PRKCQ: variants seen among roughly 807,000 people sequenced by gnomAD.
PRKCQ encodes the protein protein kinase C theta, also known as protein kinase C theta type.
A neutral mutation model predicts 91.2 loss-of-function variants in PRKCQ; 41 were observed. The ratio of observed to expected loss-of-function variants is 0.45; its 90% CI spans 0.35 to 0.58. PRKCQ has a LOEUF of 0.58. Ranked by LOEUF, PRKCQ falls within the 20% of genes least tolerant of loss-of-function variation. PRKCQ has a pLI of 0.00. For missense variants in PRKCQ, 673 were observed against 896.5 expected, an observed-to-expected ratio of 0.75 and a Z score of 3.18; for synonymous variants, 307 against 316.9, an observed-to-expected ratio of 0.97 and a Z score of 0.33.
intron 17 of PRKCQ, among the ~76,000 whole-genome samples, chr10:6,429,755 G>GAGAC (rs1417239408): frequency 6.7e-6 from 1 of 148,850 alleles, no homozygotes; most frequent in East Asian, 2.0e-4. Context: ...TTTATTTTTG[G>GAGAC]AGACAGTCTC....
At position 6,573,176 on chromosome 10, in the gene PRKCQ, C is replaced by G. The variant is rs549760760; in HGVS notation, c.-10+7035G>C. 2.6e-5 allele frequency among the ~76,000 whole-genome samples: 4 copies of G among 152,268 alleles called. No homozygotes were observed. The East Asian group carries it at 7.7e-4, about 29-fold the overall frequency. On this transcript the variant is annotated intron_variant, in intron 1 of 17. Coordinates refer to ENST00000263125, the MANE Select transcript of PRKCQ (RefSeq NM_006257.5). ...TTGTTATCACCCCCAAAATTAATGT[C>G]ATTGCCCACTAGTAGACTGTGTCTT... is the stretch of plus-strand genomic sequence containing the variant.
intron 16 of PRKCQ, among the ~76,000 whole-genome samples, chr10:6,431,550 G>C (rs1833430888): frequency 6.6e-6 from 1 of 152,096 alleles, no homozygotes; most frequent in Non-Finnish European, 1.5e-5. Flanking sequence ...ACACGTACAG[G>C]AACACATGCA....
intron 1 of PRKCQ, among the ~76,000 whole-genome samples, chr10:6,518,324 T>C (rs1838855004): frequency 6.6e-6 from 1 of 152,286 alleles, no homozygotes; most frequent in South Asian, 2.1e-4. Context: ...AGTAATCAAA[T>C]TACTAAAGGG....
intron 2 of PRKCQ, among the ~76,000 whole-genome samples, chr10:6,513,447 CAAAAAAA>C (rs58606251): frequency 9.5e-6 from 1 of 105,596 alleles, no homozygotes; most frequent in Admixed American, 9.5e-5. Flanking sequence ...AGGCCAAATG[CAAAAAAA>C]AAAAAAAAAA....
intron 10 of PRKCQ, 29 bp downstream of exon 10, chr10:6,485,123 G>A (rs773552095): frequency 3.2e-5 from 50 of 1,568,056 alleles, no homozygotes; most frequent in Non-Finnish European, 4.3e-5. Flanking sequence ...ATGACTGACA[G>A]TGATTAGACT....
intron 1 of PRKCQ, chr10:6,515,404 T>G (rs1838711141): frequency 2.0e-6 from 2 of 985,186 alleles, no homozygotes; most frequent in Admixed American, 1.2e-4. Flanking sequence ...AACTCAAGAG[T>G]TAGTTCCATT....
At chr10:6,434,120 T>C (rs1229783200) in intron 16 of PRKCQ, among the ~76,000 whole-genome samples, 5 of 151,598 alleles carry the variant, frequency 3.3e-5, no homozygotes, top group African/African-American at 2.4e-5. Context: ...TGATAAATGA[T>C]TGGTCTCTGC....
chr10:6,577,077 G>C (rs1469660141), intron 1 of PRKCQ, among the ~76,000 whole-genome samples: 1 of 151,926 alleles, frequency 6.6e-6, no homozygotes, highest in African/African-American at 2.4e-5. Flanking sequence ...AATACTATTA[G>C]CTTAATTCAA....
intron 16 of PRKCQ, among the ~76,000 whole-genome samples, chr10:6,441,490 A>C (rs1833970295): frequency 6.6e-6 from 1 of 151,172 alleles, no homozygotes; most frequent in Admixed American, 6.6e-5. Flanking sequence ...TGTTTTGGAG[A>C]CAGGGGTCTC....
chr10:6,511,548 C>T lies in PRKCQ; in HGVS notation c.119-354G>A, dbSNP rs936706704. ...TGACGAGAATTGCCAAGGAAGAAGGCTTTAGTTGGGTGCTGCAGCCGAGGA... is the reference window on the plus strand; with the variant it reads ...TGACGAGAATTGCCAAGGAAGAAGGTTTTAGTTGGGTGCTGCAGCCGAGGA... On this transcript the variant is annotated intron_variant, in intron 2 of 17. Transcript: ENST00000263125. 2.6e-5 allele frequency among the ~76,000 whole-genome samples: 4 copies of T among 152,196 alleles called. No individual in the cohort carries two copies. In the East Asian group the frequency reaches 5.8e-4, roughly 22 times the overall value.
intron 2 of PRKCQ, among the ~76,000 whole-genome samples, chr10:6,511,499 C>T (rs760917587): frequency 2.0e-5 from 3 of 152,202 alleles, no homozygotes; most frequent in Admixed American, 6.5e-5. Context: ...TGCTGCTCAC[C>T]GCACAGAAAG....
chr10:6,493,557 TCA>T (rs1837436322), intron 7 of PRKCQ, among the ~76,000 whole-genome samples: 1 of 152,206 alleles, frequency 6.6e-6, no homozygotes, highest in Non-Finnish European at 1.5e-5. Flanking sequence ...GAAGATAATA[TCA>T]CAGACATTTA....
chr10:6,535,002 C>T (rs1056063897), intron 1 of PRKCQ, among the ~76,000 whole-genome samples: 2 of 152,014 alleles, frequency 1.3e-5, no homozygotes, highest in African/African-American at 4.8e-5. Context: ...GAAGTCCTAA[C>T]AATTTTGTGA....
chr10:6,499,649 T>A (rs557714817), intron 4 of PRKCQ, among the ~76,000 whole-genome samples: 1 of 152,268 alleles, frequency 6.6e-6, no homozygotes, highest in Non-Finnish European at 1.5e-5. Flanking sequence ...CTTGGATTAC[T>A]TCTTCTATTT....
intron 15 of PRKCQ, among the ~76,000 whole-genome samples, chr10:6,453,786 C>T (rs368432903): frequency 2.1e-4 from 32 of 151,864 alleles, no homozygotes; most frequent in Admixed American, 5.9e-4. Flanking sequence ...ATGGATGAAA[C>T]TGGAAATCAT....
the PRKCQ span, among the ~76,000 whole-genome samples, chr10:6,418,866 ATC>A: frequency 6.6e-6 from 1 of 151,432 alleles, no homozygotes; most frequent in Non-Finnish European, 1.5e-5. Context: ...TCTGTCAATC[ATC>A]TGTCTCCATA....
chr10:6,415,197 C>A, the PRKCQ span, among the ~76,000 whole-genome samples: 39,060 of 150,954 alleles, frequency 0.26, 5,825 homozygotes, highest in African/African-American at 0.4. Flanking sequence ...TCCTGAGCTC[C>A]AGTGATCCAC....
intron 1 of PRKCQ, among the ~76,000 whole-genome samples, chr10:6,578,840 G>A (rs925339041): frequency 3.3e-5 from 5 of 152,184 alleles, no homozygotes; most frequent in Admixed American, 1.3e-4. Context: ...CATTTTACAA[G>A]GGTTACCAAA....
intron 12 of PRKCQ, among the ~76,000 whole-genome samples, chr10:6,471,971 A>G (rs950613409): frequency 1.3e-5 from 2 of 152,232 alleles, no homozygotes; most frequent in African/African-American, 4.8e-5. Flanking sequence ...GAAGAATATT[A>G]CAGAGTCACA....
Sources: gnomAD v4.1 joint callset for allele counts (sites outside exome capture counted in the v4.1 genomes callset) on GRCh38, gnomAD v4.1.1 for gene constraint, MANE v1.5 for transcripts, NCBI Gene and HGNC (gene_info 2026-07-23, HGNC 2026-07-21) for gene names.